LRRTM3: variants seen among roughly 807,000 people sequenced by gnomAD.
LRRTM3 encodes leucine-rich repeat transmembrane neuronal protein 3.
A neutral mutation model predicts 44.7 loss-of-function variants in LRRTM3; 24 were observed. The ratio of observed to expected loss-of-function variants is 0.54; its 90% CI spans 0.39 to 0.76. The LOEUF is 0.76. LRRTM3 is among the 30% of genes least tolerant of loss of function. The probability of loss-of-function intolerance (pLI) is 0.00; values close to 1 mark genes in which losing one functional copy is unlikely to be tolerated. For missense variants in LRRTM3, 587 were observed against 702.2 expected (o/e 0.84, Z 1.85); for synonymous variants, 277 against 278.7 (o/e 0.99, Z 0.06).
At chr10:66,966,633 G>T (rs1251400288) in intron 2 of LRRTM3, among the ~76,000 whole-genome samples, 1 of 151,986 alleles carries the variant, frequency 6.6e-6, no homozygotes, top group Non-Finnish European at 1.5e-5. Flanking sequence ...TTTACGGCGA[G>T]GGGGAAGCAG....
intron 2 of LRRTM3, among the ~76,000 whole-genome samples, chr10:66,929,233 A>G (rs572961553): frequency 7.9e-5 from 12 of 152,354 alleles, no homozygotes; most frequent in Admixed American, 5.9e-4. Flanking sequence ...TATGTTTCAT[A>G]AATAAATAAA....
chr10:67,005,687 T>TTTTTTTTTGTTTG (rs1554895949), intron 2 of LRRTM3, among the ~76,000 whole-genome samples: 6 of 102,322 alleles, frequency 5.9e-5, no homozygotes, highest in African/African-American at 1.8e-4. Context: ...TCCATCTTTT[T>TTTTTTTTTGTTTG]TTTTTTTTTT....
At chr10:66,953,733 A>G (rs1848654330) in intron 2 of LRRTM3, among the ~76,000 whole-genome samples, 1 of 152,170 alleles carries the variant, frequency 6.6e-6, no homozygotes, top group African/African-American at 2.4e-5. Flanking sequence ...GATATGTTTT[A>G]TGACATGCTG....
intron 2 of LRRTM3, among the ~76,000 whole-genome samples, chr10:66,958,289 T>C (rs12761438): frequency 0.045 from 6,370 of 140,098 alleles, 172 homozygotes; most frequent in Middle Eastern, 0.095. Context: ...GGTCTTTTTT[T>C]CCTCCACCTG....
intron 2 of LRRTM3, among the ~76,000 whole-genome samples, chr10:66,968,059 C>A (rs1319962259): frequency 2.0e-5 from 3 of 151,890 alleles, no homozygotes; most frequent in East Asian, 1.9e-4. Context: ...ATGAAGTTAC[C>A]ACTTGGAAGT....
intron 2 of LRRTM3, among the ~76,000 whole-genome samples, chr10:67,053,413 G>A (rs190179773): frequency 1.4e-3 from 208 of 152,182 alleles, no homozygotes; most frequent in African/African-American, 4.8e-3. Flanking sequence ...TGGCAGACTT[G>A]AAGAACATTT....
chr10:66,947,890 G>A (rs1420038039), intron 2 of LRRTM3, among the ~76,000 whole-genome samples: 1 of 152,108 alleles, frequency 6.6e-6, no homozygotes, highest in Non-Finnish European at 1.5e-5. Context: ...TTGTCATTGT[G>A]CGAACATCAC....
At chr10:67,068,863 C>A (rs1307635898) in intron 2 of LRRTM3, among the ~76,000 whole-genome samples, 2 of 151,974 alleles carry the variant, frequency 1.3e-5, no homozygotes. Context: ...AGTTCAAGAC[C>A]AGCCTGGCCA....
intron 2 of LRRTM3, among the ~76,000 whole-genome samples, chr10:67,020,400 C>T (rs751927161): frequency 2.0e-5 from 3 of 152,126 alleles, no homozygotes; most frequent in Non-Finnish European, 4.4e-5. Context: ...ATTATCTTCT[C>T]TTATGAATGG....
chr10:67,072,053 C>T (rs1440061302), intron 2 of LRRTM3, among the ~76,000 whole-genome samples: 2 of 152,140 alleles, frequency 1.3e-5, no homozygotes, highest in East Asian at 1.9e-4. Flanking sequence ...CCCAGGTTCA[C>T]GTGATTCTCA....
intron 2 of LRRTM3, among the ~76,000 whole-genome samples, chr10:67,003,742 C>G (rs1851811126): frequency 6.6e-6 from 1 of 152,090 alleles, no homozygotes; most frequent in Non-Finnish European, 1.5e-5. Context: ...CCTCTAGAGA[C>G]TAGTTAGATT....
intron 2 of LRRTM3, among the ~76,000 whole-genome samples, chr10:66,939,681 C>T (rs1022466486): frequency 1.3e-5 from 2 of 152,170 alleles, no homozygotes; most frequent in Non-Finnish European, 2.9e-5. Flanking sequence ...AAGTATCTGT[C>T]AGCCTCTGGA....
chr10:66,963,173 G>C (rs968875810), intron 2 of LRRTM3, among the ~76,000 whole-genome samples: 1 of 152,122 alleles, frequency 6.6e-6, no homozygotes, highest in African/African-American at 2.4e-5. Context: ...TAGAAATACT[G>C]TAAAAACTAA....
In LRRTM3 at chr10:67,099,357, A is replaced by C. The variant is rs1401087984; in HGVS notation, c.*1561A>C. The C allele has an allele frequency of 6.6e-6, 1 of 151,668 alleles. No individual in the cohort carries two copies. The highest frequency in any genetic ancestry group is 2.4e-5 in the African/African-American group (1 of 41,378). 9.4% of individuals were successfully genotyped at this position (151,668 alleles called of 1,614,324 possible). A position where few individuals can be genotyped will look rare whatever the true frequency, so the allele number is the denominator to read the frequency against. On this transcript the variant is annotated 3_prime_UTR_variant, in exon 3 of 3. Coordinates refer to ENST00000361320, the MANE Select transcript of LRRTM3 (RefSeq NM_178011.5). ...TTTTAATGGAAAACTGCAAGTTTCA[A>C]TTACTGTTGCACTAGAAGTGCTTTT...
intron 2 of LRRTM3, among the ~76,000 whole-genome samples, chr10:66,991,755 C>T (rs758110351): frequency 6.6e-6 from 1 of 152,158 alleles, no homozygotes; most frequent in African/African-American, 2.4e-5. Flanking sequence ...GAACTCTGTG[C>T]TGTTTAAACT....
At chr10:67,036,766 T>TATA (rs1854089399) in intron 2 of LRRTM3, among the ~76,000 whole-genome samples, 3 of 152,326 alleles carry the variant, frequency 2.0e-5, no homozygotes, top group African/African-American at 7.2e-5. Context: ...ATTCTAGAGA[T>TATA]ACAACAGTGA....
At chr10:66,971,757 A>C (rs1289357574) in intron 2 of LRRTM3, among the ~76,000 whole-genome samples, 2 of 152,174 alleles carry the variant, frequency 1.3e-5, no homozygotes, top group African/African-American at 4.8e-5. Context: ...ACAAAGAGAA[A>C]ATATACCATA....
chr10:67,086,125 T>C (rs1337053662), intron 2 of LRRTM3, among the ~76,000 whole-genome samples: 1 of 152,034 alleles, frequency 6.6e-6, no homozygotes, highest in Admixed American at 6.6e-5. Flanking sequence ...GATAGATGGA[T>C]AGATAAATGG....
chr10:67,038,825 G>A (rs1420723967), intron 2 of LRRTM3, among the ~76,000 whole-genome samples: 1 of 151,840 alleles, frequency 6.6e-6, no homozygotes, highest in East Asian at 1.9e-4. Flanking sequence ...AAAAGTAAAT[G>A]CATAAAATGA....
Sources: gnomAD v4.1 joint callset for allele counts (sites outside exome capture counted in the v4.1 genomes callset) on GRCh38, gnomAD v4.1.1 for gene constraint, MANE v1.5 for transcripts, NCBI Gene and HGNC (gene_info 2026-07-23, HGNC 2026-07-21) for gene names.